Variants in KLRG1 observed in about 807,000 individuals in gnomAD.
KLRG1 encodes the protein killer cell lectin-like receptor subfamily G member 1.
A neutral mutation model predicts 21.8 loss-of-function variants in KLRG1; 16 were observed. The observed-to-expected ratio is 0.73, with a 90% CI of 0.50 to 1.11. KLRG1 has a LOEUF of 1.11. Among genes scored for constraint, KLRG1 ranks in the 50% most tolerant of loss-of-function variants. The pLI, the probability that KLRG1 is intolerant of heterozygous loss-of-function variation, is 0.00. For missense variants in KLRG1, 173 were observed against 218.3 expected, an observed-to-expected ratio of 0.79 and a Z score of 1.31; for synonymous variants, 69 against 75.9, an observed-to-expected ratio of 0.91 and a Z score of 0.47.
the KLRG1 span, among the ~76,000 whole-genome samples, chr12:9,137,374 T>C: frequency 6.6e-6 from 1 of 152,228 alleles, no homozygotes; most frequent in Non-Finnish European, 1.5e-5. Context: ...CTCTATTCTG[T>C]CATTGATGTT....
At chr12:9,068,430 C>T in the KLRG1 span, among the ~76,000 whole-genome samples, 2 of 152,074 alleles carry the variant, frequency 1.3e-5, no homozygotes, top group African/African-American at 4.8e-5. Context: ...TCTTTTATCC[C>T]AAACTCCTGA....
At chr12:8,972,714 C>T (rs777138363) in intron 1 of KLRG1, among the ~76,000 whole-genome samples, 25 of 152,246 alleles carry the variant, frequency 1.6e-4, no homozygotes, top group African/African-American at 6.0e-4. Context: ...ATTGCTGTAG[C>T]TTTCTGATAT....
the KLRG1 span, among the ~76,000 whole-genome samples, chr12:9,215,064 G>C: frequency 2.0e-5 from 3 of 151,554 alleles, no homozygotes; most frequent in African/African-American, 7.3e-5. Context: ...TATTCATTTT[G>C]TTAGTATTCC....
At chr12:9,183,784 C>T in the KLRG1 span, among the ~76,000 whole-genome samples, 8 of 152,116 alleles carry the variant, frequency 5.3e-5, no homozygotes, top group Non-Finnish European at 1.2e-4. Flanking sequence ...GGAATTTTTC[C>T]AACTTCATGC....
the KLRG1 span, among the ~76,000 whole-genome samples, chr12:9,099,155 C>T: frequency 6.6e-6 from 1 of 152,118 alleles, no homozygotes; most frequent in East Asian, 1.9e-4. Context: ...ATAACATACT[C>T]TGAACTGTGT....
the KLRG1 span, among the ~76,000 whole-genome samples, chr12:9,019,220 A>G: frequency 3.9e-5 from 6 of 152,196 alleles, no homozygotes; most frequent in Non-Finnish European, 7.4e-5. Context: ...AAACTACAAT[A>G]TTGTCTCATC....
At chr12:8,979,956 A>G (rs753867884) in intron 1 of KLRG1, among the ~76,000 whole-genome samples, 11 of 152,176 alleles carry the variant, frequency 7.2e-5, no homozygotes, top group African/African-American at 2.4e-4. Context: ...GCTGGAGTGC[A>G]GTAGTGCGAT....
the KLRG1 span, among the ~76,000 whole-genome samples, chr12:9,127,099 C>T: frequency 6.6e-6 from 1 of 152,212 alleles, no homozygotes; most frequent in African/African-American, 2.4e-5. Context: ...TAAAGCACCT[C>T]ATTCTTCTCT....
chr12:9,074,724 C>T, the KLRG1 span: 27 of 1,613,708 alleles, frequency 1.7e-5, no homozygotes, highest in South Asian at 1.2e-4. Flanking sequence ...GCCTGGGGTT[C>T]GTAAAAATGC....
rs890911616 is a variant in KLRG1, at chr12:9,005,630, G to A, written c.358-3345G>A. 3.3e-5 allele frequency among the ~76,000 whole-genome samples: 5 copies of A among 152,176 alleles called. No individual in the cohort carries two copies. The East Asian group carries it at 7.7e-4, about 23-fold the overall frequency. ...TTATGTTAAAGGATACAAAATTACA[G>A]CTAGATAGGCAGAATAAGTTCTAAT... On this transcript the variant is annotated intron_variant, in intron 3 of 4. Transcript: ENST00000356986.
the KLRG1 span, among the ~76,000 whole-genome samples, chr12:9,053,311 CAAAG>C: frequency 6.5e-4 from 99 of 152,146 alleles, 1 homozygote; most frequent in African/African-American, 2.3e-3. Flanking sequence ...GAAAAAGAAA[CAAAG>C]AATGAATACA....
At chr12:9,019,306 A>G in the KLRG1 span, among the ~76,000 whole-genome samples, 1 of 152,216 alleles carries the variant, frequency 6.6e-6, no homozygotes, top group Admixed American at 6.5e-5. Context: ...GGGAACCCTC[A>G]TACACTGTTG....
the KLRG1 span, among the ~76,000 whole-genome samples, chr12:9,045,039 T>A: frequency 6.6e-6 from 1 of 151,906 alleles, no homozygotes; most frequent in African/African-American, 2.4e-5. Context: ...AACATGCAAA[T>A]AGCAACACAG....
At chr12:9,028,528 C>T in the KLRG1 span, among the ~76,000 whole-genome samples, 1 of 151,722 alleles carries the variant, frequency 6.6e-6, no homozygotes, top group South Asian at 2.1e-4. Flanking sequence ...ACTGCAACCT[C>T]CGCCTCCCAG....
chr12:9,178,197 A>G, the KLRG1 span, among the ~76,000 whole-genome samples: 2 of 152,348 alleles, frequency 1.3e-5, no homozygotes, highest in African/African-American at 4.8e-5. Flanking sequence ...TAAATGGCAA[A>G]TTCAGAAATA....
chr12:9,124,451 G>A, the KLRG1 span, among the ~76,000 whole-genome samples: 2 of 123,438 alleles, frequency 1.6e-5, no homozygotes, highest in African/African-American at 6.1e-5. Context: ...GGGGCTGGGA[G>A]CAGGCAAGAT....
At chr12:9,077,275 T>C in the KLRG1 span, 2 of 1,376,940 alleles carry the variant, frequency 1.5e-6, no homozygotes, top group African/African-American at 1.4e-5. Context: ...AGGATAGTAT[T>C]TCAGACAGCA....
chr12:9,038,502 A>C, the KLRG1 span, among the ~76,000 whole-genome samples: 2 of 152,136 alleles, frequency 1.3e-5, no homozygotes, highest in Non-Finnish European at 2.9e-5. Flanking sequence ...ACTTTAACGA[A>C]ATCTACAAAA....
At chr12:9,062,732 T>C in the KLRG1 span, among the ~76,000 whole-genome samples, 2 of 148,082 alleles carry the variant, frequency 1.4e-5, no homozygotes, top group Non-Finnish European at 3.0e-5. Flanking sequence ...TATATTATAG[T>C]ATATTATCAT....
Sources: allele counts gnomAD v4.1 joint callset (sites outside exome capture counted in the v4.1 genomes callset), GRCh38; gene constraint gnomAD v4.1.1; transcripts MANE v1.5; gene names NCBI Gene and HGNC (gene_info 2026-07-23, HGNC 2026-07-21).